NOS1AP: variants seen among roughly 807,000 people sequenced by gnomAD.
The protein encoded by NOS1AP is carboxyl-terminal PDZ ligand of neuronal nitric oxide synthase protein.
A neutral mutation model predicts 56.2 loss-of-function variants in NOS1AP; 21 were observed. The observed-to-expected ratio is 0.37, with a 90% CI of 0.26 to 0.54. The LOEUF (loss-of-function observed/expected upper bound fraction) is 0.54. Ranked by LOEUF, NOS1AP falls within the 20% of genes least tolerant of loss-of-function variation. The pLI is 0.84. For synonymous variants in NOS1AP, 270 were observed against 274.6 expected, an observed-to-expected ratio of 0.98 and a Z score of 0.17; for missense variants, 522 against 657.8, an observed-to-expected ratio of 0.79 and a Z score of 2.26.
chr1:162,112,735 T>A (rs879439028), intron 1 of NOS1AP, among the ~76,000 whole-genome samples: 5 of 152,232 alleles, frequency 3.3e-5, no homozygotes, highest in Admixed American at 3.3e-4. Context: ...AAAAGGGATA[T>A]GTTTTTCCTT....
At chr1:162,231,910 A>T (rs910939969) in intron 2 of NOS1AP, among the ~76,000 whole-genome samples, 1 of 152,236 alleles carries the variant, frequency 6.6e-6, no homozygotes, top group Non-Finnish European at 1.5e-5. Flanking sequence ...GAAAGGAAAT[A>T]CACTGAAATC....
chr1:162,209,867 C>T (rs1161184282), intron 2 of NOS1AP, among the ~76,000 whole-genome samples: 1 of 152,014 alleles, frequency 6.6e-6, no homozygotes, highest in Non-Finnish European at 1.5e-5. Context: ...ATTTTCTGGT[C>T]ATCAGTGTTG....
At chr1:162,197,062 G>T (rs150288553) in intron 2 of NOS1AP, among the ~76,000 whole-genome samples, 1 of 152,286 alleles carries the variant, frequency 6.6e-6, no homozygotes, top group African/African-American at 2.4e-5. Context: ...AGCCAGTAAG[G>T]CTCTGCATGG....
At chr1:162,264,467 TCCCCTCCCCTCCCCTCCC>T (rs1557855347) in intron 2 of NOS1AP, among the ~76,000 whole-genome samples, 212 of 37,194 alleles carry the variant, frequency 5.7e-3, no homozygotes, top group East Asian at 8.2e-3. Flanking sequence ...TCTCTTCTCC[TCCCCTCCCCTCCCCTCCC>T]CTCTCCTCCT....
chr1:162,074,034 A>G (rs548003109), intron 1 of NOS1AP, among the ~76,000 whole-genome samples: 1 of 152,310 alleles, frequency 6.6e-6, no homozygotes, highest in South Asian at 2.1e-4. Context: ...GGATAATAAG[A>G]GTATTAATAA....
chr1:162,300,762 C>G (rs546891807), intron 4 of NOS1AP, 56 bp downstream of exon 4: 12 of 1,459,346 alleles, frequency 8.2e-6, no homozygotes, highest in East Asian at 4.5e-5. Flanking sequence ...CCTCCTGCCC[C>G]CTACAGCCAC....
chr1:162,248,925 C>A (rs949473319), intron 2 of NOS1AP, among the ~76,000 whole-genome samples: 5 of 152,276 alleles, frequency 3.3e-5, no homozygotes, highest in East Asian at 1.9e-4. Context: ...AGCACCCCCC[C>A]CTTTCCTTTT....
In NOS1AP at chr1:162,365,073, T is replaced by TATGTGCAC. The variant is rs560991996; in HGVS notation, c.940-330_940-323dup. ...GGAGCACCGTGCGTGTGTGTGTGTA[T>TATGTGCAC]ATGTGCACGTGTGTGTGTACGTGTG... On this transcript the variant is annotated intron_variant, in intron 8 of 9. Transcript: ENST00000361897. 6.6e-4 allele frequency: 729 copies of TATGTGCAC among 1,100,832 alleles called. 1 individual carries two copies. The African/African-American group carries it at 0.015, about 23-fold the overall frequency. The allele number at this position is 1,100,832 out of a possible 1,614,324, so 68.2% of individuals were successfully genotyped here.
At chr1:162,182,522 C>A (rs1651297145) in intron 2 of NOS1AP, among the ~76,000 whole-genome samples, 1 of 152,184 alleles carries the variant, frequency 6.6e-6, no homozygotes, top group Non-Finnish European at 1.5e-5. Context: ...ATTGAGTCTT[C>A]CTTTTACCAA....
intron 8 of NOS1AP, chr1:162,360,916 G>A (rs959868579): frequency 4.4e-6 from 2 of 456,574 alleles, no homozygotes; most frequent in African/African-American, 2.0e-5. Context: ...TGGAGGAGCT[G>A]GAGTCCAGGC....
intron 2 of NOS1AP, among the ~76,000 whole-genome samples, chr1:162,189,035 C>T (rs138507280): frequency 0.035 from 5,372 of 151,860 alleles, 136 homozygotes; most frequent in Non-Finnish European, 0.049. Flanking sequence ...CTAGCCTGGG[C>T]GACAGAGTGA....
At chr1:162,265,007 G>T (rs1309773100) in intron 2 of NOS1AP, among the ~76,000 whole-genome samples, 1 of 151,834 alleles carries the variant, frequency 6.6e-6, no homozygotes, top group Non-Finnish European at 1.5e-5. Flanking sequence ...TAGAGACGGG[G>T]TTTCACCATA....
At chr1:162,346,102 T>C (rs1387679663) in intron 6 of NOS1AP, among the ~76,000 whole-genome samples, 7 of 152,188 alleles carry the variant, frequency 4.6e-5, no homozygotes, top group Admixed American at 4.6e-4. Flanking sequence ...GGAATCCCTA[T>C]GGAGAAAAAT....
intron 1 of NOS1AP, among the ~76,000 whole-genome samples, chr1:162,114,820 C>A (rs1038961344): frequency 1.3e-5 from 2 of 152,132 alleles, no homozygotes; most frequent in Non-Finnish European, 2.9e-5. Flanking sequence ...CTTAAGTCAT[C>A]GTTTGCGTCT....
chr1:162,136,679 G>C (rs186981607), intron 1 of NOS1AP, among the ~76,000 whole-genome samples: 13 of 152,290 alleles, frequency 8.5e-5, no homozygotes, highest in African/African-American at 3.1e-4. Flanking sequence ...TTCATGACAG[G>C]AAATTCAATG....
At chr1:162,338,719 G>A (rs746239423) in intron 5 of NOS1AP, 1 of 152,168 alleles carries the variant, frequency 6.6e-6, no homozygotes, top group Non-Finnish European at 1.5e-5. Context: ...ACTTTGATGG[G>A]AGAAAATAAA....
In NOS1AP at chr1:162,321,719, T is replaced by TAAAA. The variant is rs201941230; in HGVS notation, c.345-11288_345-11285dup. 1.5e-3 allele frequency among the ~76,000 whole-genome samples: 204 copies of TAAAA among 137,858 alleles called. 2 individuals carry two copies. Among genetic ancestry groups the TAAAA allele is most frequent in the African/African-American group, 5.1e-3 (188 of 36,956 alleles). 90.4% of individuals were successfully genotyped at this position (137,858 alleles called of 152,430 possible). A position where few individuals can be genotyped will look rare whatever the true frequency, so the allele number is the denominator to read the frequency against. The stretch of plus-strand genomic sequence containing the variant: ...TGTACCCTAGAACTTAAAGTATAAT[T>TAAAA]AAAAAAAAAAAAATATATATATATA... On this transcript the variant is annotated intron_variant, in intron 4 of 9. Coordinates refer to ENST00000361897, the MANE Select transcript of NOS1AP (RefSeq NM_014697.3).
chr1:162,329,735 A>G (rs899898574), intron 4 of NOS1AP, among the ~76,000 whole-genome samples: 2 of 152,232 alleles, frequency 1.3e-5, no homozygotes, highest in African/African-American at 4.8e-5. Context: ...TTTGGACCCA[A>G]GAGACATTAA....
chr1:162,360,579 T>C, intron 8 of NOS1AP: 2 of 351,788 alleles, frequency 5.7e-6, no homozygotes, highest in East Asian at 1.5e-4. Flanking sequence ...CTCCTCTACC[T>C]GCTGCCACTT....
Sources: allele counts gnomAD v4.1 joint callset (sites outside exome capture counted in the v4.1 genomes callset), GRCh38; gene constraint gnomAD v4.1.1; transcripts MANE v1.5; gene names NCBI Gene and HGNC (gene_info 2026-07-23, HGNC 2026-07-21).